The following CEP170 variants were observed in gnomAD, a reference collection of about 807,000 sequenced individuals.
The protein encoded by CEP170 is centrosomal protein of 170 kDa.
A neutral mutation model predicts 151.9 loss-of-function variants in CEP170; 21 were observed. The observed-to-expected ratio is 0.14, with a 90% confidence interval of 0.10 to 0.20. The LOEUF (loss-of-function observed/expected upper bound fraction) is 0.20. CEP170 is among the 10% of genes least tolerant of loss of function. The pLI is 1.00. For synonymous variants in CEP170, 356 were observed against 648.8 expected (o/e 0.55, Z 6.86); for missense variants, 964 against 1,892.9 (o/e 0.51, Z 9.11).
At chr1:243,134,148 G>C (rs1235936600) in intron 17 of CEP170, among the ~76,000 whole-genome samples, 2 of 152,156 alleles carry the variant, frequency 1.3e-5, no homozygotes, top group Non-Finnish European at 2.9e-5. Context: ...GTGAAATAAT[G>C]AAATTAAGTC....
chr1:243,164,867 T>C lies in CEP170; in HGVS notation c.3093A>G (p.Val1031=), dbSNP rs757739609. 4.3e-6 allele frequency: 7 copies of C among 1,613,670 alleles called. No homozygotes were observed. The highest frequency in any genetic ancestry group is 1.7e-5 in the Admixed American group (1 of 60,006). Residue 1031 remains valine (V), a synonymous_variant, in exon 13 of 20, where the codon GTA becomes GTG. Coordinates refer to ENST00000366542, the MANE Select transcript of CEP170 (RefSeq NM_014812.3). ...DLTDDDQTSS[V]PHSAISDIMS... ...TAATATCAGAGATGGCAGAATGAGGTACACTAGAGGTTTGGTCATCATCTG... is the reference window on the plus strand; with the variant it reads ...TAATATCAGAGATGGCAGAATGAGGCACACTAGAGGTTTGGTCATCATCTG...
In CEP170 at chr1:243,252,368, AG is replaced by A. The variant is rs1477204363; in HGVS notation, c.-42+2671del. ...AATTAGTATAGAAAAAATATTTTTC[AG>A]GAATACAATTTTGTGGAATAAAAAA... is the stretch of plus-strand genomic sequence containing the variant. On this transcript the variant is annotated intron_variant, in intron 1 of 19. Transcript: ENST00000366542. Among the ~76,000 whole-genome samples, 4 of 152,322 alleles carry A rather than the reference AG, an allele frequency of 2.6e-5. No individual in the cohort carries two copies. In the East Asian group the frequency reaches 5.8e-4, roughly 22 times the overall value.
intron 1 of CEP170, among the ~76,000 whole-genome samples, chr1:243,252,575 C>A (rs535991001): frequency 6.6e-6 from 1 of 151,992 alleles, no homozygotes; most frequent in Admixed American, 6.6e-5. Flanking sequence ...AGTACCATAA[C>A]AGCATTAATA....
intron 16 of CEP170, among the ~76,000 whole-genome samples, chr1:243,137,515 G>A (rs1361637238): frequency 1.1e-4 from 16 of 152,254 alleles, no homozygotes; most frequent in South Asian, 4.1e-4. Flanking sequence ...AGTGGCTCAC[G>A]CCTGTAATCC....
At chr1:243,149,531 C>A (rs924671601) in intron 14 of CEP170, among the ~76,000 whole-genome samples, 1 of 152,088 alleles carries the variant, frequency 6.6e-6, no homozygotes, top group African/African-American at 2.4e-5. Flanking sequence ...CCTAGCCCAA[C>A]AAAATAACAG....
intron 4 of CEP170, chr1:243,211,512 T>C (rs1245621182): frequency 5.7e-6 from 1 of 174,198 alleles, no homozygotes; most frequent in African/African-American, 2.4e-5. Context: ...AGGAGGCTGA[T>C]TCATGCATCA....
chr1:243,155,235 G>A (rs1467254453), intron 14 of CEP170, among the ~76,000 whole-genome samples: 3 of 152,138 alleles, frequency 2.0e-5, no homozygotes, highest in Non-Finnish European at 4.4e-5. Flanking sequence ...GCGATGACAA[G>A]TGAATAGTCT....
At chr1:243,239,267 A>G (rs1017739808) in intron 1 of CEP170, among the ~76,000 whole-genome samples, 7 of 152,024 alleles carry the variant, frequency 4.6e-5, no homozygotes, top group African/African-American at 9.7e-5. Context: ...CTGACCAGAT[A>G]TTTTCTCTCC....
chr1:243,218,197 T>C (rs965785115), intron 3 of CEP170, among the ~76,000 whole-genome samples: 2 of 152,220 alleles, frequency 1.3e-5, no homozygotes, highest in African/African-American at 2.4e-5. Context: ...GTGAAGACCA[T>C]TCTCTACTCT....
chr1:243,247,907 C>G (rs55705200), intron 1 of CEP170, among the ~76,000 whole-genome samples: 3 of 152,160 alleles, frequency 2.0e-5, no homozygotes, highest in Non-Finnish European at 4.4e-5. Context: ...TTACATCTAC[C>G]TCGTTTGGCT....
intron 13 of CEP170, among the ~76,000 whole-genome samples, chr1:243,161,342 GA>G (rs200039946): frequency 3.3e-5 from 5 of 150,638 alleles, no homozygotes; most frequent in Admixed American, 6.6e-5. Flanking sequence ...ATGTTTTGGG[GA>G]AAAAAAAACT....
intron 14 of CEP170, among the ~76,000 whole-genome samples, chr1:243,152,222 ATT>A (rs376998252): frequency 6.0e-5 from 8 of 134,382 alleles, no homozygotes; most frequent in African/African-American, 2.7e-5. Context: ...AGCCATTTTG[ATT>A]TTTTTTTTTT....
intron 3 of CEP170, among the ~76,000 whole-genome samples, chr1:243,215,780 T>C (rs2062217087): frequency 6.6e-6 from 1 of 152,146 alleles, no homozygotes; most frequent in Non-Finnish European, 1.5e-5. Context: ...CCACACCCTA[T>C]TCATACACTC....
chr1:243,244,092 C>A (rs988121377), intron 1 of CEP170, among the ~76,000 whole-genome samples: 1 of 152,034 alleles, frequency 6.6e-6, no homozygotes. Flanking sequence ...AATTTAAGAA[C>A]ACTTTAGTTA....
At chr1:243,148,306 C>T (rs1214662180) in intron 14 of CEP170, among the ~76,000 whole-genome samples, 1 of 152,118 alleles carries the variant, frequency 6.6e-6, no homozygotes, top group Non-Finnish European at 1.5e-5. Flanking sequence ...CGCGGTGGCT[C>T]ATGCCTGTAA....
intron 12 of CEP170, 144 bp from the exon 13 acceptor site, chr1:243,166,260 T>C: frequency 2.0e-6 from 2 of 992,790 alleles, no homozygotes; most frequent in South Asian, 3.5e-5. Context: ...CCAAGGATGC[T>C]TGAGTACCTT....
chr1:243,172,981 A>G, intron 10 of CEP170, 135 bp from the exon 11 acceptor site: 1 of 1,097,874 alleles, frequency 9.1e-7, no homozygotes, highest in Non-Finnish European at 1.2e-6. Flanking sequence ...AAAACTAAGG[A>G]AAACTTCTTG....
chr1:243,183,444 T>C (rs1256820180), intron 10 of CEP170, among the ~76,000 whole-genome samples: 3 of 152,134 alleles, frequency 2.0e-5, no homozygotes, highest in Non-Finnish European at 4.4e-5. Flanking sequence ...TCTACTCCTA[T>C]CCTCCCAAAG....
rs1172894654 is a variant in CEP170, at chr1:243,200,822, G to A, written c.288C>T (p.Phe96=). 1 of 1,610,204 alleles carries A rather than the reference G, an allele frequency of 6.2e-7. No homozygotes were observed. Among genetic ancestry groups the A allele is most frequent in the African/African-American group, 1.3e-5 (1 of 74,702 alleles). Residue 96 remains phenylalanine (F), a synonymous_variant, in exon 5 of 20, where the codon TTC becomes TTT. Transcript: ENST00000366542. ...CCCTCATTTCTCCTTGTACTACAGT[G>A]AAAAGATTTGTATGTAAACGGGGCT... The part of the protein sequence containing the change: ...KLRFGYDTNL[F]TVVQGEMRVP...
Sources: allele counts gnomAD v4.1 joint callset (sites outside exome capture counted in the v4.1 genomes callset), GRCh38; gene constraint gnomAD v4.1.1; transcripts MANE v1.5; gene names NCBI Gene and HGNC (gene_info 2026-07-23, HGNC 2026-07-21).